Variants in DHX35 observed in about 807,000 individuals in gnomAD.
DHX35 encodes DEAH-box helicase 35.
In DHX35, 84 loss-of-function variants were observed where a neutral mutation model predicts 99.6. That is an observed-to-expected ratio of 0.84 (90% CI 0.71 to 1.01). The LOEUF (loss-of-function observed/expected upper bound fraction) is 1.01. DHX35 is among the 50% of genes least tolerant of loss of function. DHX35 has a pLI of 0.00. For synonymous variants in DHX35, 331 were observed against 316.2 expected, an observed-to-expected ratio of 1.05 and a Z score of -0.50; for missense variants, 852 against 888.5, an observed-to-expected ratio of 0.96 and a Z score of 0.52.
rs1039136004 is a variant in DHX35 at position 38,977,325 on chromosome 20, T to A, written c.267+4674T>A. Among the ~76,000 whole-genome samples the A allele has an allele frequency of 6.6e-5, 10 of 152,214 alleles. 1 individual carries two copies. Among genetic ancestry groups the A allele is most frequent in the African/African-American group, 2.4e-4 (10 of 41,454 alleles). On this transcript the variant is annotated intron_variant, in intron 3 of 21. Coordinates refer to ENST00000252011, the MANE Select transcript of DHX35 (RefSeq NM_021931.4). ...GGTGGTATCTCATTGTGGTTTTGAT[T>A]TGCATTTTCCTGATGATTAGTGATG...
intron 9 of DHX35, among the ~76,000 whole-genome samples, chr20:39,002,562 G>T (rs916258961): frequency 6.6e-6 from 1 of 152,174 alleles, no homozygotes; most frequent in Non-Finnish European, 1.5e-5. Context: ...TCCAAATAAA[G>T]CTAAAAATCA....
intron 11 of DHX35, among the ~76,000 whole-genome samples, chr20:39,004,841 T>TGAG (rs1231855721): frequency 2.0e-5 from 3 of 152,318 alleles, no homozygotes; most frequent in Admixed American, 6.5e-5. Context: ...AGGGATGGTC[T>TGAG]GAGGATCCAC....
Position 39,038,607 on chromosome 20 carries a change from G to A in DHX35, c.*64G>A, listed in dbSNP as rs1411802229. 1 of 1,557,340 alleles carries A rather than the reference G, an allele frequency of 6.4e-7. No individual in the cohort carries two copies. The highest frequency in any genetic ancestry group is 8.7e-7 in the Non-Finnish European group (1 of 1,148,748). On this transcript the variant is annotated 3_prime_UTR_variant, in exon 22 of 22. Coordinates refer to ENST00000252011, the MANE Select transcript of DHX35 (RefSeq NM_021931.4). ...CCTCTCCTCCATGCTGCTGCCCCTG[G>A]TCCCAGGTGGGGTGAGCTGGCACCA...
At chr20:39,001,613 A>T (rs372239377) in intron 8 of DHX35, 117 bp from the exon 9 acceptor site, 5 of 686,160 alleles carry the variant, frequency 7.3e-6, no homozygotes, top group Non-Finnish European at 1.2e-5. Context: ...TGTATTGCAC[A>T]TATATAATCT....
Position 39,034,310 on chromosome 20 carries a change from A to G in DHX35, c.2060A>G (p.Gln687Arg). 1.2e-6 allele frequency: 2 copies of G among 1,613,512 alleles called. No individual in the cohort carries two copies. Among genetic ancestry groups the G allele is most frequent in the Non-Finnish European group, 1.7e-6 (2 of 1,179,458 alleles). ...GAGCTGGCTCCACACTTTTATCAAC[A>G]AGGAACGGTAGGAATGAACTGAGTC... ...LLELAPHFYQ[Q>R]GTHLSLKAKR... Residue 687 changes from glutamine to arginine, a missense_variant, in exon 21 of 22, where the codon CAA becomes CGA. Coordinates refer to ENST00000252011, the MANE Select transcript of DHX35 (RefSeq NM_021931.4).
intron 8 of DHX35, among the ~76,000 whole-genome samples, chr20:38,999,072 A>G (rs1448025052): frequency 2.0e-5 from 3 of 152,142 alleles, no homozygotes; most frequent in South Asian, 2.1e-4. Context: ...GTGCCACCGC[A>G]TGAGCCACCG....
intron 6 of DHX35, 73 bp from the exon 7 acceptor site, chr20:38,992,283 C>T (rs1196847747): frequency 2.4e-6 from 3 of 1,260,692 alleles, no homozygotes; most frequent in Middle Eastern, 1.9e-4. Flanking sequence ...TACCCAGAAG[C>T]TCTTTGATGG....
At chr20:38,972,680 C>G in intron 3 of DHX35, 29 bp downstream of exon 3, 1 of 1,507,864 alleles carries the variant, frequency 6.6e-7, no homozygotes. Context: ...AGTGTCTTTA[C>G]ACTTCGATTT....
At chr20:38,970,296 C>G (rs1290314177) in intron 2 of DHX35, among the ~76,000 whole-genome samples, 1 of 152,180 alleles carries the variant, frequency 6.6e-6, no homozygotes, top group Non-Finnish European at 1.5e-5. Context: ...TGTTCTTTCT[C>G]CAAACAGATA....
chr20:38,996,353 A>G (rs1366776638), intron 8 of DHX35, among the ~76,000 whole-genome samples: 4 of 152,208 alleles, frequency 2.6e-5, no homozygotes, highest in African/African-American at 9.7e-5. Context: ...AGCACAGAGT[A>G]GGCACTTGGG....
intron 11 of DHX35, 46 bp from the exon 12 acceptor site, chr20:39,006,100 A>C: frequency 6.3e-7 from 1 of 1,588,066 alleles, no homozygotes; most frequent in Non-Finnish European, 8.6e-7. Context: ...TGTTAAAAGC[A>C]AAAAGAATAA....
intron 8 of DHX35, among the ~76,000 whole-genome samples, chr20:39,001,045 A>T (rs938006259): frequency 6.6e-6 from 1 of 152,174 alleles, no homozygotes; most frequent in Non-Finnish European, 1.5e-5. Context: ...TGTGGGCTGC[A>T]AGTGGTGGTC....
chr20:39,038,580 G>T lies in DHX35; in HGVS notation c.*37G>T. On this transcript the variant is annotated 3_prime_UTR_variant, in exon 22 of 22. Coordinates refer to ENST00000252011, the MANE Select transcript of DHX35 (RefSeq NM_021931.4). Reference sequence around the variant, plus strand: ...AGCTACAGCTGCAGGGACTGCTGGCGTCCTCTCCTCCATGCTGCTGCCCCT... The same window carrying T: ...AGCTACAGCTGCAGGGACTGCTGGCTTCCTCTCCTCCATGCTGCTGCCCCT... The T allele has an allele frequency of 6.2e-7, 1 of 1,600,812 alleles. No individual in the cohort carries two copies. Among genetic ancestry groups the T allele is most frequent in the South Asian group, 1.1e-5 (1 of 90,144 alleles).
intron 10 of DHX35, 102 bp from the exon 11 acceptor site, chr20:39,003,647 A>G (rs780368390): frequency 6.4e-6 from 9 of 1,406,802 alleles, no homozygotes; most frequent in Non-Finnish European, 8.7e-6. Context: ...AATCTGACCA[A>G]AATTAAAGTC....
intron 3 of DHX35, among the ~76,000 whole-genome samples, chr20:38,976,542 C>T (rs2086081855): frequency 6.6e-6 from 1 of 151,068 alleles, no homozygotes; most frequent in Non-Finnish European, 1.5e-5. Context: ...GTATAATGAT[C>T]AAATCTGGGT....
chr20:39,008,144 A>G (rs562879752), intron 12 of DHX35, among the ~76,000 whole-genome samples: 1 of 152,342 alleles, frequency 6.6e-6, no homozygotes, highest in Admixed American at 6.5e-5. Flanking sequence ...GTCATACAAT[A>G]TGTGACCTTT....
chr20:38,981,484 C>T (rs2086171426), intron 3 of DHX35, among the ~76,000 whole-genome samples: 1 of 152,158 alleles, frequency 6.6e-6, no homozygotes, highest in Non-Finnish European at 1.5e-5. Flanking sequence ...ATTGTTTCAT[C>T]TTTGAACATT....
intron 15 of DHX35, among the ~76,000 whole-genome samples, chr20:39,020,667 T>TTTTTTTTTG: frequency 6.9e-6 from 1 of 145,398 alleles, no homozygotes; most frequent in Non-Finnish European, 1.5e-5. Context: ...TTTTTTTTTT[T>TTTTTTTTTG]TTTTTTTTTG....
chr20:39,031,161 CAA>C lies in DHX35; in HGVS notation c.1955+397_1955+398del, dbSNP rs112765650. Reference sequence around the variant, plus strand: ...TGGGTGACAGAGTGAGATTCCATGTCAAAAAAAAAAAAGAGAATTTCTGCTCT... The same window carrying C: ...TGGGTGACAGAGTGAGATTCCATGTCAAAAAAAAAAGAGAATTTCTGCTCT... On this transcript the variant is annotated intron_variant, in intron 20 of 21. Coordinates refer to ENST00000252011, the MANE Select transcript of DHX35 (RefSeq NM_021931.4). 5.8e-4 allele frequency among the ~76,000 whole-genome samples: 78 copies of C among 135,534 alleles called. 1 individual carries two copies. The highest frequency in any genetic ancestry group is 2.0e-3 in the African/African-American group (76 of 37,128). 88.9% of individuals were successfully genotyped at this position (135,534 alleles called of 152,430 possible). A position where few individuals can be genotyped will look rare whatever the true frequency, so the allele number is the denominator to read the frequency against.
Sources: gnomAD v4.1 joint callset for allele counts (sites outside exome capture counted in the v4.1 genomes callset) on GRCh38, gnomAD v4.1.1 for gene constraint, MANE v1.5 for transcripts, NCBI Gene and HGNC (gene_info 2026-07-23, HGNC 2026-07-21) for gene names.